TARBP1: variants seen among roughly 807,000 people sequenced by gnomAD.
TARBP1 encodes the protein tRNA (guanosine(18)-2'-O)-methyltransferase TARBP1.
TARBP1 carries 144 observed loss-of-function variants against 178.6 expected under a neutral mutation model. That is an observed-to-expected ratio of 0.81 (90% CI 0.70 to 0.93). The LOEUF is 0.93. Ranked by LOEUF, TARBP1 falls within the 40% of genes least tolerant of loss-of-function variation. TARBP1 has a pLI of 0.00. For missense variants in TARBP1, 2,067 were observed against 2,011.7 expected (o/e 1.03, Z -0.53); for synonymous variants, 787 against 781.0 (o/e 1.01, Z -0.13).
chr1:234,464,158 T>C (rs1668193058), intron 5 of TARBP1, among the ~76,000 whole-genome samples: 1 of 152,216 alleles, frequency 6.6e-6, no homozygotes, highest in South Asian at 2.1e-4. Context: ...GTTAATAACC[T>C]ACTTTACTAA....
chr1:234,415,886 G>A (rs1204204112), intron 22 of TARBP1, among the ~76,000 whole-genome samples: 1 of 152,168 alleles, frequency 6.6e-6, no homozygotes, highest in Non-Finnish European at 1.5e-5. Context: ...CCGGTGTTCT[G>A]TAAGCTACCT....
intron 9 of TARBP1, among the ~76,000 whole-genome samples, chr1:234,451,605 C>T (rs1335803134): frequency 1.3e-5 from 1 of 79,060 alleles, no homozygotes; most frequent in Middle Eastern, 5.9e-3. Flanking sequence ...AAAAATTAGC[C>T]GGGCGTAGTG....
At chr1:234,428,929 T>C (rs1558191511) in intron 17 of TARBP1, among the ~76,000 whole-genome samples, 1 of 152,204 alleles carries the variant, frequency 6.6e-6, no homozygotes, top group Non-Finnish European at 1.5e-5. Flanking sequence ...GAGGCAGATG[T>C]GGCTCCAGGC....
Position 234,460,388 on chromosome 1 carries a change from G to C in TARBP1, c.1408C>G (p.Leu470Val). ...GTCATCTTCCGAATAAACTTCAATA[G>C]GAAGCTACCTGAAAGAAAAAGTTTT... ...LLPEEIKSSF[L>V]LKFIRKMTSR... The change falls in exon 7 of 30, where the codon CTA becomes GTA. Residue 470 changes from leucine (L) to valine (V), a missense_variant. Leu to Val is a conservative substitution (Grantham distance 32). Coordinates refer to ENST00000040877, the MANE Select transcript of TARBP1 (RefSeq NM_005646.4). 6.2e-7 allele frequency: 1 copy of C among 1,613,404 alleles called. No individual in the cohort carries two copies. Among genetic ancestry groups the C allele is most frequent in the Non-Finnish European group, 8.5e-7 (1 of 1,179,878 alleles).
intron 19 of TARBP1, 103 bp downstream of exon 19, chr1:234,427,213 TA>T: frequency 1.4e-6 from 1 of 721,506 alleles, no homozygotes; most frequent in Non-Finnish European, 2.3e-6. Context: ...ATTAATATAT[TA>T]GATGTCACTT....
intron 3 of TARBP1, among the ~76,000 whole-genome samples, chr1:234,469,070 T>TC (rs1668770467): frequency 5.6e-5 from 1 of 17,976 alleles, no homozygotes; most frequent in African/African-American, 4.5e-4. Flanking sequence ...CTTTTTTTTT[T>TC]TTTTTTTAAA....
intron 24 of TARBP1, 141 bp downstream of exon 24, chr1:234,405,762 G>A (rs1002005135): frequency 4.1e-6 from 3 of 727,424 alleles, no homozygotes; most frequent in Non-Finnish European, 2.3e-6. Context: ...GCTTAGGCCT[G>A]GCCCAGTCCA....
At chr1:234,401,151 G>C (rs762316302) in intron 25 of TARBP1, 30 bp downstream of exon 25, 16 of 1,564,362 alleles carry the variant, frequency 1.0e-5, no homozygotes, top group African/African-American at 1.4e-5. Context: ...AGATACAATA[G>C]AGAATTTACA....
At chr1:234,458,191 A>C (rs1259517824) in intron 8 of TARBP1, among the ~76,000 whole-genome samples, 2 of 152,168 alleles carry the variant, frequency 1.3e-5, no homozygotes, top group Non-Finnish European at 2.9e-5. Flanking sequence ...TAAAAATACA[A>C]AAATTAGCCA....
In TARBP1 at chr1:234,398,214, T is replaced by C. The variant is rs1660333957; in HGVS notation, c.4243+168A>G. On this transcript the variant is annotated intron_variant, in intron 26 of 29. Coordinates refer to ENST00000040877, the MANE Select transcript of TARBP1 (RefSeq NM_005646.4). Reference sequence around the variant, plus strand: ...AGCTAAGTTTCACTAAAAGTGTTAGTCAAAGTTATACCACACTTTTTCACT... The same window carrying C: ...AGCTAAGTTTCACTAAAAGTGTTAGCCAAAGTTATACCACACTTTTTCACT... The C allele has an allele frequency of 1.3e-5, 6 of 478,420 alleles. No homozygotes were observed. The South Asian group carries it at 3.8e-4, about 30-fold the overall frequency. The allele number at this position is 478,420 out of a possible 1,614,324, so 29.6% of individuals were successfully genotyped here.
In TARBP1 at chr1:234,410,657, G is replaced by T. The variant is rs182610098; in HGVS notation, c.3706-126C>A. ...GCAGCCTCTTCCCTGGAACAGCCCG[G>T]GGTCTGGGTGGGAAGGGGGCTGCGG... On this transcript the variant is annotated intron_variant, in intron 22 of 29. Transcript: ENST00000040877. 4.3e-4 allele frequency: 256 copies of T among 598,674 alleles called. 1 individual carries two copies. The highest frequency in any genetic ancestry group is 4.0e-3 in the African/African-American group (208 of 52,586). The allele number at this position is 598,674 out of a possible 1,614,324, so 37.1% of individuals were successfully genotyped here.
At chr1:234,470,646 T>C (rs1465245733) in intron 3 of TARBP1, among the ~76,000 whole-genome samples, 3 of 151,960 alleles carry the variant, frequency 2.0e-5, no homozygotes, top group Admixed American at 6.6e-5. Flanking sequence ...AGACGGAGTC[T>C]TGCTCTGTCA....
rs770281284 is a variant in TARBP1 at position 234,446,865 on chromosome 1, C to T, written c.2072G>A (p.Cys691Tyr). The T allele has an allele frequency of 6.2e-7, 1 of 1,614,056 alleles. No individual in the cohort carries two copies. The highest frequency in any genetic ancestry group is 8.5e-7 in the Non-Finnish European group (1 of 1,179,986). ...CAACAGCTTCAACAGCAGCTGGAGGCATCTGTCAGTCTTCAGCAAGGGCAT... is the reference window on the plus strand; with the variant it reads ...CAACAGCTTCAACAGCAGCTGGAGGTATCTGTCAGTCTTCAGCAAGGGCAT... ...AYMPLLKTDR[C>Y]LQLLLKLLNT... Residue 691 changes from cysteine to tyrosine, a missense_variant, in exon 12 of 30, where the codon TGC (cysteine) becomes TAC (tyrosine). Cys to Tyr is a radical substitution (Grantham distance 194). Transcript: ENST00000040877.
At chr1:234,457,592 G>A (rs1325222876) in intron 9 of TARBP1, 75 bp downstream of exon 9, 7 of 895,162 alleles carry the variant, frequency 7.8e-6, no homozygotes. Flanking sequence ...TTATATAAAT[G>A]GCTACTAAGA....
At chr1:234,428,765 C>G (rs949949128) in intron 17 of TARBP1, among the ~76,000 whole-genome samples, 13 of 152,154 alleles carry the variant, frequency 8.5e-5, no homozygotes, top group African/African-American at 3.1e-4. Context: ...AGGCTTGTCT[C>G]GAGCTCCTGA....
At chr1:234,473,924 A>G (rs1278910969) in intron 1 of TARBP1, among the ~76,000 whole-genome samples, 1 of 152,210 alleles carries the variant, frequency 6.6e-6, no homozygotes, top group African/African-American at 2.4e-5. Context: ...TAGTAGTATT[A>G]TAAGAACAGG....
intron 7 of TARBP1, 102 bp downstream of exon 7, chr1:234,460,159 A>T: frequency 7.7e-7 from 1 of 1,303,198 alleles, no homozygotes; most frequent in Non-Finnish European, 1.0e-6. Flanking sequence ...TCCCAATATT[A>T]ACTATATCCA....
rs201930148 is a variant in TARBP1 at position 234,450,517 on chromosome 1, G to A, written c.1772C>T (p.Thr591Met). ...VNESYFKPSP[T>M]CSSIGLHKTS... is the part of the protein sequence containing the mutation. ...CTTGTGAAGTCCAATGGAGCTACACGTAGGGGATGGCTTAAAATAGCTTTC... is the reference window on the plus strand; with the variant it reads ...CTTGTGAAGTCCAATGGAGCTACACATAGGGGATGGCTTAAAATAGCTTTC... Residue 591 changes from threonine (T) to methionine (M), a missense_variant, in exon 10 of 30, where the codon ACG becomes ATG. Physicochemically the swap from Thr to Met is moderately conservative, Grantham distance 81. Transcript: ENST00000040877. 2.5e-5 allele frequency: 40 copies of A among 1,611,654 alleles called. No individual in the cohort carries two copies. The highest frequency in any genetic ancestry group is 1.6e-4 in the East Asian group (7 of 44,694).
At position 234,478,907 on chromosome 1, in the gene TARBP1, G is replaced by T; in HGVS notation, c.197C>A (p.Ala66Glu). 1 of 1,421,040 alleles carries T rather than the reference G, an allele frequency of 7.0e-7. No individual in the cohort carries two copies. The highest frequency in any genetic ancestry group is 9.1e-7 in the Non-Finnish European group (1 of 1,096,522). The allele number at this position is 1,421,040 out of a possible 1,614,324, so 88.0% of individuals were successfully genotyped here. A position where few individuals can be genotyped will look rare whatever the true frequency, so the allele number is the denominator to read the frequency against. ...CCGCAGCAGTGGCACGAGGTACCCT[G>T]CAGCCACCTCGCGCGCCGCCTCCGG... ...ALPEAAREVAAGYLVPLLRSL... is the reference protein window; with the variant it reads ...ALPEAAREVAEGYLVPLLRSL... The change falls in exon 1 of 30, where the codon GCA (alanine) becomes GAA (glutamate). Residue 66 changes from alanine (A) to glutamate (E), a missense_variant. Ala to Glu is a moderately radical substitution (Grantham distance 107). Transcript: ENST00000040877.
Sources: allele counts gnomAD v4.1 joint callset (sites outside exome capture counted in the v4.1 genomes callset), GRCh38; gene constraint gnomAD v4.1.1; transcripts MANE v1.5; gene names NCBI Gene and HGNC (gene_info 2026-07-23, HGNC 2026-07-21).